The following SFXN1 variants were observed in gnomAD, a reference collection of about 807,000 sequenced individuals.
SFXN1 encodes sideroflexin 1.
SFXN1 carries 32 observed loss-of-function variants against 39.5 expected under a neutral mutation model. The ratio of observed to expected loss-of-function variants is 0.81; its 90% CI spans 0.61 to 1.09. SFXN1 has a LOEUF of 1.09. Among genes scored for constraint, SFXN1 ranks in the 50% least tolerant of loss-of-function variants. The probability of loss-of-function intolerance (pLI) is 0.00; values close to 1 mark genes in which losing one functional copy is unlikely to be tolerated. For synonymous variants in SFXN1, 136 were observed against 146.5 expected (o/e 0.93, Z 0.52); for missense variants, 402 against 407.1 (o/e 0.99, Z 0.11).
chr5:175,509,350 G>A (rs1222668483), intron 3 of SFXN1, 148 bp downstream of exon 3: 12 of 651,508 alleles, frequency 1.8e-5, no homozygotes, highest in Admixed American at 7.0e-5. Flanking sequence ...GAATCATTCC[G>A]TAATGTACTT....
chr5:175,519,625 G>A (rs1581325236), intron 8 of SFXN1, among the ~76,000 whole-genome samples: 1 of 152,132 alleles, frequency 6.6e-6, no homozygotes, highest in Admixed American at 6.5e-5. Context: ...AAGATGAGAG[G>A]TTGCCATATA....
At chr5:175,482,184 G>A (rs946609802) in intron 1 of SFXN1, among the ~76,000 whole-genome samples, 2 of 152,236 alleles carry the variant, frequency 1.3e-5, no homozygotes, top group African/African-American at 4.8e-5. Context: ...GTGGACAGCA[G>A]TGACTGACCG....
chr5:175,493,766 G>A (rs777458450), intron 2 of SFXN1, among the ~76,000 whole-genome samples: 6 of 152,330 alleles, frequency 3.9e-5, no homozygotes, highest in East Asian at 3.9e-4. Context: ...TACAATTACC[G>A]ATAGAGAGAA....
At chr5:175,518,850 A>T (rs1204648026) in intron 8 of SFXN1, among the ~76,000 whole-genome samples, 2 of 152,238 alleles carry the variant, frequency 1.3e-5, no homozygotes. Context: ...GACTTATTAG[A>T]CTCAACACAA....
chr5:175,512,178 T>C lies in SFXN1; in HGVS notation c.578T>C (p.Ile193Thr). Residue 193 changes from isoleucine (I) to threonine (T), a missense_variant, in exon 6 of 11, where the codon ATT becomes ACT. Ile to Thr is a moderately conservative substitution (Grantham distance 89, BLOSUM62 -1). Transcript: ENST00000321442. ...AAVAAANCIN[I>T]PLMRQRELKV... The stretch of plus-strand genomic sequence containing the variant: ...GTAGCTGCTGCTAATTGCATTAATA[T>C]TCCATTAATGAGGCAAAGGTAAGAC... The C allele has an allele frequency of 1.2e-6, 2 of 1,614,086 alleles. No individual in the cohort carries two copies. Among genetic ancestry groups the C allele is most frequent in the Non-Finnish European group, 1.7e-6 (2 of 1,179,916 alleles).
rs572626268 is a variant in SFXN1 at position 175,527,661 on chromosome 5, A to G, written c.*927A>G. The G allele has an allele frequency of 2.0e-5, 3 of 152,124 alleles. No individual in the cohort carries two copies. Among genetic ancestry groups the G allele is most frequent in the Admixed American group, 1.3e-4 (2 of 15,266 alleles). 9.4% of individuals were successfully genotyped at this position (152,124 alleles called of 1,614,324 possible). ...ATCCTTATAGATCTCTTTGGCTTTC[A>G]GAAAGATACAGTGATAATGTGTGTA... On this transcript the variant is annotated 3_prime_UTR_variant, in exon 11 of 11. Transcript: ENST00000321442.
chr5:175,529,116 CACCTGAGGTCAGGAGT>C lies in SFXN1; in HGVS notation c.*2383_*2398del, dbSNP rs1234416396. The C allele has an allele frequency of 6.6e-6, 1 of 152,332 alleles. No homozygotes were observed. The highest frequency in any genetic ancestry group is 2.4e-5 in the African/African-American group (1 of 41,558). 9.4% of individuals were successfully genotyped at this position (152,332 alleles called of 1,614,324 possible). On this transcript the variant is annotated 3_prime_UTR_variant, in exon 11 of 11. Transcript: ENST00000321442. ...CTTTGGGAGGCCGAGGCGGGTGGAT[CACCTGAGGTCAGGAGT>C]TTGAGACCAGCCTGGCCAACATGGA...
In SFXN1 at chr5:175,508,915, G is replaced by T. The variant is rs566081425; in HGVS notation, c.165-117G>T. 1.2e-5 allele frequency: 11 copies of T among 940,648 alleles called. No homozygotes were observed. In the East Asian group the frequency reaches 2.1e-4, roughly 18 times the overall value. The allele number at this position is 940,648 out of a possible 1,614,324, so 58.3% of individuals were successfully genotyped here. On this transcript the variant is annotated intron_variant, in intron 2 of 10. Transcript: ENST00000321442. ...CTCCCAAAGTGCTGGGATTACAGAC[G>T]TAAGCCACCACACCCAGCCAGAGCA...
rs1663434119 is a variant in SFXN1, at chr5:175,513,539, G to T, written c.673G>T (p.Ala225Ser). Reference sequence around the variant, plus strand: ...GGAGTCGGCGAACGCTGCGAAACAAGCCATCACGCAAGTTGTCGTGTCCAG... The same window carrying T: ...GGAGTCGGCGAACGCTGCGAAACAATCCATCACGCAAGTTGTCGTGTCCAG... ...LGESANAAKQ[A>S]ITQVVVSRIL... The change falls in exon 7 of 11, where the codon GCC becomes TCC. Residue 225 changes from alanine to serine, a missense_variant. Ala to Ser is a moderately conservative substitution (Grantham distance 99). Coordinates refer to ENST00000321442, the MANE Select transcript of SFXN1 (RefSeq NM_022754.7). The T allele has an allele frequency of 6.2e-7, 1 of 1,613,910 alleles. No homozygotes were observed. The highest frequency in any genetic ancestry group is 1.3e-5 in the African/African-American group (1 of 74,892).
intron 7 of SFXN1, among the ~76,000 whole-genome samples, chr5:175,515,535 T>C (rs1357355113): frequency 6.6e-6 from 1 of 152,196 alleles, no homozygotes; most frequent in Non-Finnish European, 1.5e-5. Flanking sequence ...TGTCAGCAAA[T>C]GAACGAATGC....
intron 10 of SFXN1, among the ~76,000 whole-genome samples, chr5:175,525,100 T>C (rs1236627467): frequency 2.0e-5 from 3 of 152,184 alleles, no homozygotes; most frequent in Admixed American, 2.0e-4. Flanking sequence ...CAAACTCTCC[T>C]GGAAGATAAA....
In SFXN1 at chr5:175,516,664, G is replaced by C. The variant is rs1760724878; in HGVS notation, c.774+1G>C. On this transcript the variant is annotated splice_donor_variant, in intron 8 of 10. Transcript: ENST00000321442. LOFTEE classifies it high-confidence loss of function. ...TTTGGAAAAGAAAGCCTTTTTGAAG[G>C]TAAGCTGTGGTTCTTTTGTCATTTT... is the stretch of plus-strand genomic sequence containing the variant. The C allele has an allele frequency of 6.2e-7, 1 of 1,611,924 alleles. No individual in the cohort carries two copies. The highest frequency in any genetic ancestry group is 8.5e-7 in the Non-Finnish European group (1 of 1,178,892).
chr5:175,522,119 G>T (rs1173794253), intron 9 of SFXN1, 151 bp downstream of exon 9: 2 of 687,416 alleles, frequency 2.9e-6, no homozygotes, highest in Non-Finnish European at 4.7e-6. Flanking sequence ...TTAAATAGAA[G>T]TAAACTGTCT....
chr5:175,518,240 T>C (rs193246676), intron 8 of SFXN1, among the ~76,000 whole-genome samples: 139 of 152,316 alleles, frequency 9.1e-4, no homozygotes, highest in Non-Finnish European at 1.6e-3. Flanking sequence ...GAAATTGATA[T>C]GGTTTGGGTC....
intron 4 of SFXN1, among the ~76,000 whole-genome samples, chr5:175,511,146 C>G (rs1042445083): frequency 5.3e-5 from 8 of 152,324 alleles, no homozygotes; most frequent in East Asian, 1.9e-4. Context: ...ACACAGCTCC[C>G]CTCCTTCTCA....
intron 2 of SFXN1, among the ~76,000 whole-genome samples, chr5:175,503,039 A>G (rs918838956): frequency 6.6e-6 from 1 of 152,174 alleles, no homozygotes; most frequent in Non-Finnish European, 1.5e-5. Context: ...AAAAGGTAAT[A>G]TAGTGTTAGA....
intron 2 of SFXN1, among the ~76,000 whole-genome samples, chr5:175,493,989 G>A (rs1002814433): frequency 6.6e-6 from 1 of 152,144 alleles, no homozygotes; most frequent in Non-Finnish European, 1.5e-5. Flanking sequence ...GCCAATCCCT[G>A]ATATAGATGG....
At chr5:175,490,300 A>AT (rs1444512200) in intron 1 of SFXN1, among the ~76,000 whole-genome samples, 3 of 152,174 alleles carry the variant, frequency 2.0e-5, no homozygotes, top group African/African-American at 7.2e-5. Flanking sequence ...ACCTTGGGGA[A>AT]ATAGGCTTCC....
chr5:175,487,975 C>G (rs1191828916), intron 1 of SFXN1, among the ~76,000 whole-genome samples: 1 of 152,218 alleles, frequency 6.6e-6, no homozygotes, highest in Non-Finnish European at 1.5e-5. Flanking sequence ...CTGCGCTGCC[C>G]CCCAGCTCTG....
Sources: allele counts gnomAD v4.1 joint callset (sites outside exome capture counted in the v4.1 genomes callset), GRCh38; gene constraint gnomAD v4.1.1; transcripts MANE v1.5; gene names NCBI Gene and HGNC (gene_info 2026-07-23, HGNC 2026-07-21).